The following CNTNAP5 variants were observed in gnomAD, a reference collection of about 807,000 sequenced individuals.
CNTNAP5 encodes contactin associated protein family member 5, also known as contactin-associated protein-like 5.
A neutral mutation model predicts 150.2 loss-of-function variants in CNTNAP5; 72 were observed. The observed-to-expected ratio is 0.48, with a 90% CI of 0.40 to 0.58. CNTNAP5 has a LOEUF of 0.58. Ranked by LOEUF, CNTNAP5 falls within the 20% of genes least tolerant of loss-of-function variation. CNTNAP5 has a pLI of 0.00. For missense variants in CNTNAP5, 1,636 were observed against 1,626.2 expected, an observed-to-expected ratio of 1.01 and a Z score of -0.10; for synonymous variants, 672 against 619.8, an observed-to-expected ratio of 1.08 and a Z score of -1.25.
intron 18 of CNTNAP5, among the ~76,000 whole-genome samples, chr2:124,791,080 C>A (rs1433208985): frequency 1.3e-5 from 2 of 152,122 alleles, no homozygotes; most frequent in Non-Finnish European, 2.9e-5. Context: ...ACAATCAGAG[C>A]AATGATAAAT....
intron 3 of CNTNAP5, among the ~76,000 whole-genome samples, chr2:124,356,897 G>A (rs1428812993): frequency 2.6e-5 from 4 of 151,720 alleles, no homozygotes; most frequent in Non-Finnish European, 4.4e-5. Context: ...CTTCCACAAT[G>A]GTTGAACTAG....
intron 19 of CNTNAP5, among the ~76,000 whole-genome samples, chr2:124,835,362 G>A (rs1682807410): frequency 6.6e-6 from 1 of 152,060 alleles, no homozygotes; most frequent in African/African-American, 2.4e-5. Flanking sequence ...TCCTGGACCT[G>A]AACGACTAGA....
chr2:124,873,198 A>G (rs564004388), intron 21 of CNTNAP5, among the ~76,000 whole-genome samples: 132 of 152,174 alleles, frequency 8.7e-4, no homozygotes, highest in African/African-American at 2.9e-3. Flanking sequence ...CAGAGCAGGA[A>G]GAAGAGCGAG....
At chr2:124,376,819 GA>G (rs1487733333) in intron 3 of CNTNAP5, among the ~76,000 whole-genome samples, 1 of 151,972 alleles carries the variant, frequency 6.6e-6, no homozygotes, top group Non-Finnish European at 1.5e-5. Flanking sequence ...TTAAGCTTAA[GA>G]AAGTAATGAG....
chr2:124,125,321 A>G (rs565829159), intron 1 of CNTNAP5, among the ~76,000 whole-genome samples: 2 of 152,332 alleles, frequency 1.3e-5, no homozygotes, highest in Admixed American at 1.3e-4. Flanking sequence ...AAAGAAGGCC[A>G]TTACATAATG....
At chr2:124,237,097 C>G (rs552315613) in intron 2 of CNTNAP5, among the ~76,000 whole-genome samples, 10 of 152,162 alleles carry the variant, frequency 6.6e-5, no homozygotes, top group African/African-American at 2.2e-4. Flanking sequence ...CCATTGCACT[C>G]CAGCCTGGGT....
chr2:124,556,382 G>A (rs1320701964), intron 10 of CNTNAP5, among the ~76,000 whole-genome samples: 1 of 151,986 alleles, frequency 6.6e-6, no homozygotes, highest in Non-Finnish European at 1.5e-5. Flanking sequence ...CCTTAAAGAA[G>A]CCAAGATCAA....
At chr2:124,713,326 T>C (rs1477664571) in intron 13 of CNTNAP5, among the ~76,000 whole-genome samples, 5 of 73,044 alleles carry the variant, frequency 6.8e-5, no homozygotes, top group South Asian at 1.2e-3. Flanking sequence ...TTCCTTTCTT[T>C]CTTTCTTTCT....
chr2:124,655,945 G>GAGAGAGAAAGAAAGAAAGAAAGAAAGAA (rs1553427800), intron 13 of CNTNAP5, among the ~76,000 whole-genome samples: 3 of 55,518 alleles, frequency 5.4e-5, no homozygotes, highest in Non-Finnish European at 6.8e-5. Context: ...GAGAGAGAGA[G>GAGAGAGAAAGAAAGAAAGAAAGAAAGAA]AGAAAGAAAG....
chr2:124,333,123 C>A (rs1689389330), intron 3 of CNTNAP5, among the ~76,000 whole-genome samples: 1 of 151,974 alleles, frequency 6.6e-6, no homozygotes, highest in Non-Finnish European at 1.5e-5. Context: ...ATAATTGGAG[C>A]CTGGCGCTTT....
chr2:124,336,621 A>G (rs780048), intron 3 of CNTNAP5, among the ~76,000 whole-genome samples: 106,439 of 145,384 alleles, frequency 0.73, 40,167 homozygotes, highest in African/African-American at 0.9. Context: ...GAGAACACGC[A>G]GTGTTTGGTT....
intron 13 of CNTNAP5, among the ~76,000 whole-genome samples, chr2:124,714,463 T>C (rs1679904697): frequency 6.6e-6 from 1 of 152,058 alleles, no homozygotes. Flanking sequence ...TTTTGAGTAT[T>C]GTAGTGGTTT....
intron 21 of CNTNAP5, among the ~76,000 whole-genome samples, chr2:124,894,791 A>G (rs1011470941): frequency 6.6e-6 from 1 of 151,324 alleles, no homozygotes; most frequent in African/African-American, 2.5e-5. Context: ...GGGATCAAGC[A>G]ATCCTCCTGC....
intron 19 of CNTNAP5, among the ~76,000 whole-genome samples, chr2:124,839,419 GACAC>G (rs151177615): frequency 1.4e-5 from 2 of 148,058 alleles, no homozygotes; most frequent in African/African-American, 5.1e-5. Context: ...TGTCAAAAAT[GACAC>G]ACACTCTCTC....
At chr2:124,506,899 A>C (rs557867902) in intron 8 of CNTNAP5, among the ~76,000 whole-genome samples, 15 of 152,134 alleles carry the variant, frequency 9.9e-5, no homozygotes, top group Non-Finnish European at 1.8e-4. Context: ...GCACTCACTC[A>C]TGTGCTCAGG....
At chr2:124,892,500 G>T (rs1235502805) in intron 21 of CNTNAP5, among the ~76,000 whole-genome samples, 2 of 152,112 alleles carry the variant, frequency 1.3e-5, no homozygotes, top group Admixed American at 1.3e-4. Context: ...GACAAAACAA[G>T]AAAGTATAAC....
chr2:124,337,081 A>G (rs1243778746), intron 3 of CNTNAP5, among the ~76,000 whole-genome samples: 1 of 152,088 alleles, frequency 6.6e-6, no homozygotes, highest in Non-Finnish European at 1.5e-5. Context: ...CTGGTGTGAG[A>G]TGGTATCTCA....
chr2:124,430,402 A>G (rs770406830), intron 4 of CNTNAP5, among the ~76,000 whole-genome samples: 1 of 152,230 alleles, frequency 6.6e-6, no homozygotes, highest in African/African-American at 2.4e-5. Context: ...AAAAACATCT[A>G]GAGAATTGCA....
chr2:124,173,613 A>G (rs2104668120), intron 1 of CNTNAP5, among the ~76,000 whole-genome samples: 1 of 152,362 alleles, frequency 6.6e-6, no homozygotes, highest in East Asian at 1.9e-4. Context: ...CTGAAAGAGG[A>G]GAGAAAGCTT....
Sources: gnomAD v4.1 joint callset for allele counts (sites outside exome capture counted in the v4.1 genomes callset) on GRCh38, gnomAD v4.1.1 for gene constraint, MANE v1.5 for transcripts, NCBI Gene and HGNC (gene_info 2026-07-23, HGNC 2026-07-21) for gene names.